The following CHD3 variants were observed in gnomAD, a reference collection of about 807,000 sequenced individuals.
CHD3 encodes the protein chromodomain helicase DNA binding protein 3, also known as ATP-dependent chromatin remodeler CHD3.
CHD3 carries 52 observed loss-of-function variants against 248.9 expected under a neutral mutation model. That is an observed-to-expected ratio of 0.21 (90% confidence interval 0.17 to 0.26). CHD3 has a LOEUF of 0.26. CHD3 is among the 10% of genes least tolerant of loss of function. The pLI is 1.00. For synonymous variants in CHD3, 985 were observed against 985.2 expected (o/e 1.00, Z 0.00); for missense variants, 1,482 against 2,605.8 (o/e 0.57, Z 9.39).
chr17:7,891,832 C>T lies in CHD3; in HGVS notation c.509+768C>T, dbSNP rs374331164. Among the ~76,000 whole-genome samples the T allele has an allele frequency of 5.3e-5, 8 of 151,616 alleles. No homozygotes were observed. The East Asian group carries it at 9.7e-4, about 18-fold the overall frequency. On this transcript the variant is annotated intron_variant, in intron 4 of 39. Transcript: ENST00000330494. ...GCCGAGATCACACCACTGCTATGCT[C>T]TAGCCTGGGCAACAAGCGAAACTCC...
chr17:7,904,157 G>A lies in CHD3; in HGVS notation c.3894+166G>A. 1.4e-6 allele frequency: 1 copy of A among 690,806 alleles called. No individual in the cohort carries two copies. Among genetic ancestry groups the A allele is most frequent in the South Asian group, 1.9e-5 (1 of 52,850 alleles). The allele number at this position is 690,806 out of a possible 1,614,324, so 42.8% of individuals were successfully genotyped here. ...AGACTGGACTTCAGAGAGAAACGTA[G>A]GCACAGACAGTACTGGTAAACACAG... On this transcript the variant is annotated intron_variant, in intron 24 of 39. Coordinates refer to ENST00000330494, the MANE Select transcript of CHD3 (RefSeq NM_001005273.3). The surrounding 1 kb of genome is among the most constrained non-coding windows in gnomAD (Gnocchi z 4.4).
chr17:7,894,562 C>T lies in CHD3; in HGVS notation c.1223C>T (p.Pro408Leu). Residue 408 changes from proline (P) to leucine (L), a missense_variant, in exon 8 of 40, where the codon CCT (proline) becomes CTT (leucine). By Grantham distance (98) the Pro-to-Leu change is moderately conservative. Coordinates refer to ENST00000330494, the MANE Select transcript of CHD3 (RefSeq NM_001005273.3). ...PRAYHLVCLD[P>L]ELDRAPEGKW... ...GCCTACCACCTCGTCTGCCTTGATC[C>T]TGAGCTTGACCGGGCTCCAGAGGGC... 1 of 1,614,066 alleles carries T rather than the reference C, an allele frequency of 6.2e-7. No individual in the cohort carries two copies. Among genetic ancestry groups the T allele is most frequent in the Non-Finnish European group, 8.5e-7 (1 of 1,179,986 alleles).
At chr17:7,891,142 A>G (rs781196519) in intron 4 of CHD3, 78 bp downstream of exon 4, 320 of 1,526,258 alleles carry the variant, frequency 2.1e-4, no homozygotes, top group Non-Finnish European at 2.7e-4. Flanking sequence ...GAATCTGATG[A>G]AAGCTATGAA....
chr17:7,905,559 A>G lies in CHD3; in HGVS notation c.4139-62A>G. 1 of 1,257,468 alleles carries G rather than the reference A, an allele frequency of 8.0e-7. No homozygotes were observed. Among genetic ancestry groups the G allele is most frequent in the Non-Finnish European group, 1.1e-6 (1 of 904,622 alleles). 77.9% of individuals were successfully genotyped at this position (1,257,468 alleles called of 1,614,324 possible). ...GTGTATCTTGTGGGAATGGGGTGCT[A>G]AGGAGGACTGAGGCTTAGAGGAGGT... On this transcript the variant is annotated intron_variant, in intron 26 of 39. Coordinates refer to ENST00000330494, the MANE Select transcript of CHD3 (RefSeq NM_001005273.3). This position sits in a 1 kb window ranked among gnomAD's most constrained non-coding sequence, Gnocchi z 5.8.
chr17:7,907,884 G>T lies in CHD3; in HGVS notation c.5027-10G>T, dbSNP rs1399562135. ...CTGAGGTGTGAGCTTTGACCTGTCT[G>T]TCCTAGCAGAAGATGTAAAAGGTGA... On this transcript the variant is annotated splice_polypyrimidine_tract_variant and intron_variant, in intron 33 of 39. Transcript: ENST00000330494. This position sits in a 1 kb window ranked among gnomAD's most constrained non-coding sequence, Gnocchi z 4.3. 1 of 1,609,894 alleles carries T rather than the reference G, an allele frequency of 6.2e-7. No individual in the cohort carries two copies. Among genetic ancestry groups the T allele is most frequent in the Non-Finnish European group, 8.5e-7 (1 of 1,177,240 alleles).
At position 7,905,393 on chromosome 17, in the gene CHD3, C is replaced by A; in HGVS notation, c.4138+228C>A. On this transcript the variant is annotated intron_variant, in intron 26 of 39. Coordinates refer to ENST00000330494, the MANE Select transcript of CHD3 (RefSeq NM_001005273.3). This position sits in a 1 kb window ranked among gnomAD's most constrained non-coding sequence, Gnocchi z 5.8. Reference sequence around the variant, plus strand: ...AAGGCCATATCATTTTCCATTCCCACTGGTAATCTGGGCCTTTGTCAGATA... The same window carrying A: ...AAGGCCATATCATTTTCCATTCCCAATGGTAATCTGGGCCTTTGTCAGATA... The A allele has an allele frequency of 1.6e-6, 1 of 614,166 alleles. No homozygotes were observed. Among genetic ancestry groups the A allele is most frequent in the South Asian group, 2.0e-5 (1 of 49,504 alleles). The allele number at this position is 614,166 out of a possible 1,614,324, so 38.0% of individuals were successfully genotyped here.
In CHD3 at chr17:7,903,204, C is replaced by G; in HGVS notation, c.3496-68C>G. The stretch of plus-strand genomic sequence containing the variant: ...TCTTCAGCAGCCTTCTTTCCTGAGG[C>G]AGCTCTATGGGCAGCTTCTCCCCGG... On this transcript the variant is annotated intron_variant, in intron 22 of 39. Coordinates refer to ENST00000330494, the MANE Select transcript of CHD3 (RefSeq NM_001005273.3). This position sits in a 1 kb window ranked among gnomAD's most constrained non-coding sequence, Gnocchi z 6.8. 4 of 1,578,454 alleles carry G rather than the reference C, an allele frequency of 2.5e-6. No individual in the cohort carries two copies. Among genetic ancestry groups the G allele is most frequent in the Non-Finnish European group, 3.5e-6 (4 of 1,152,170 alleles).
At position 7,892,839 on chromosome 17, in the gene CHD3, C is replaced by T. The variant is rs144753161; in HGVS notation, c.510-447C>T. ...ACAGGGTCTCATTCTGTCACCCAGG[C>T]TGCACTGCAGTGGTGTGATCATAGC... On this transcript the variant is annotated intron_variant, in intron 4 of 39. Transcript: ENST00000330494. Among the ~76,000 whole-genome samples the T allele has an allele frequency of 6.2e-3, 943 of 152,268 alleles. 21 individuals are homozygous for T. The highest frequency in any genetic ancestry group is 0.048 in the East Asian group (249 of 5,186).
chr17:7,893,206 A>C (rs942759970), intron 4 of CHD3, 80 bp from the exon 5 acceptor site: 2 of 1,473,320 alleles, frequency 1.4e-6, no homozygotes, highest in African/African-American at 2.8e-5. Context: ...GCATGTACAT[A>C]GATTTAATTG....
In CHD3 at chr17:7,905,814, C is replaced by T. The variant is rs2151628414; in HGVS notation, c.4225-42C>T. 1 of 1,614,078 alleles carries T rather than the reference C, an allele frequency of 6.2e-7. No individual in the cohort carries two copies. Among genetic ancestry groups the T allele is most frequent in the East Asian group, 2.2e-5 (1 of 44,868 alleles). ...GGTAGAAAGGACAAGACCTAAGAAC[C>T]CTAGACATTTGTCGCCATTGCCTCC... On this transcript the variant is annotated intron_variant, in intron 27 of 39. Coordinates refer to ENST00000330494, the MANE Select transcript of CHD3 (RefSeq NM_001005273.3). The surrounding 1 kb of genome is among the most constrained non-coding windows in gnomAD (Gnocchi z 5.8).
At position 7,910,917 on chromosome 17, in the gene CHD3, C is replaced by T; in HGVS notation, c.5825C>T (p.Ala1942Val). 5.0e-6 allele frequency: 8 copies of T among 1,613,616 alleles called. No homozygotes were observed. Among genetic ancestry groups the T allele is most frequent in the Middle Eastern group, 3.3e-4 (2 of 6,060 alleles). ...GCCTTCAGCGCCGCACCCGTAGGGGCCCTGGCCGCCGCAGGCGCCAATTAC... is the reference window on the plus strand; with the variant it reads ...GCCTTCAGCGCCGCACCCGTAGGGGTCCTGGCCGCCGCAGGCGCCAATTAC... ...GAAFSAAPVGALAAAGANYSQ... is the reference protein window; with the variant it reads ...GAAFSAAPVGVLAAAGANYSQ... The change falls in exon 39 of 40, where the codon GCC becomes GTC. Residue 1942 changes from alanine to valine, a missense_variant. Physicochemically the swap from Ala to Val is moderately conservative, Grantham distance 64. Around this residue, in one of 20 missense-constraint regions of CHD3, gnomAD observed 117 missense variants for 137.2 expected, o/e 0.85. Coordinates refer to ENST00000330494, the MANE Select transcript of CHD3 (RefSeq NM_001005273.3). This position sits in a 1 kb window ranked among gnomAD's most constrained non-coding sequence, Gnocchi z 4.7.
In CHD3 at chr17:7,893,927, G is replaced by C; in HGVS notation, c.916G>C (p.Gly306Arg). ...GCTTCTGGGTGGCAAGAGGAAGAAA[G>C]GAGGCTCGGTGAGTGACCCGTCCCT... The part of the protein sequence containing the change: ...LGLLGGKRKK[G>R]GSYVFQSDEG... Residue 306 changes from glycine (G) to arginine (R), a missense_variant, in exon 6 of 40, where the codon GGA becomes CGA. By Grantham distance (125) the Gly-to-Arg change is moderately radical. Coordinates refer to ENST00000330494, the MANE Select transcript of CHD3 (RefSeq NM_001005273.3). The C allele has an allele frequency of 6.6e-7, 1 of 1,526,066 alleles. No individual in the cohort carries two copies. The highest frequency in any genetic ancestry group is 8.8e-7 in the Non-Finnish European group (1 of 1,130,836). 94.5% of individuals were successfully genotyped at this position (1,526,066 alleles called of 1,614,324 possible).
In CHD3 at chr17:7,909,135, G is replaced by T. The variant is rs1336607710; in HGVS notation, c.5395-8G>T. On this transcript the variant is annotated splice_polypyrimidine_tract_variant and splice_region_variant and intron_variant, in intron 36 of 39. Transcript: ENST00000330494. This position sits in a 1 kb window ranked among gnomAD's most constrained non-coding sequence, Gnocchi z 8.1. ...CCCTACCTTCACCTCCCAACTCTGT[G>T]CCCTCAGCTCCTGGAGCAGGCGCTG... 8.4e-6 allele frequency: 13 copies of T among 1,553,650 alleles called. No homozygotes were observed. The highest frequency in any genetic ancestry group is 1.2e-5 in the South Asian group (1 of 84,386).
In CHD3 at chr17:7,900,924, G is replaced by T. The variant is rs61753145; in HGVS notation, c.3051G>T (p.Ser1017=). The T allele has an allele frequency of 1.2e-6, 2 of 1,613,934 alleles. No individual in the cohort carries two copies. The highest frequency in any genetic ancestry group is 2.7e-5 in the African/African-American group (2 of 74,902). The part of the protein sequence containing the change: ...LNSRGGGNQV[S]LLNIMMDLKK... The stretch of plus-strand genomic sequence containing the variant: ...CACGAGGTGGTGGGAACCAGGTGTC[G>T]CTGCTTAATATCATGATGGATCTTA... Residue 1017 remains serine, a synonymous_variant, in exon 19 of 40, where the codon TCG becomes TCT. Coordinates refer to ENST00000330494, the MANE Select transcript of CHD3 (RefSeq NM_001005273.3). The surrounding 1 kb of genome is among the most constrained non-coding windows in gnomAD (Gnocchi z 6.5).
In CHD3 at chr17:7,909,642, G is replaced by C. The variant is rs1032402931; in HGVS notation, c.5590+304G>C. 2.6e-5 allele frequency: 12 copies of C among 458,736 alleles called. No individual in the cohort carries two copies. In the East Asian group the frequency reaches 4.3e-4, roughly 17 times the overall value. The allele number at this position is 458,736 out of a possible 1,614,324, so 28.4% of individuals were successfully genotyped here. A position where few individuals can be genotyped will look rare whatever the true frequency, so the allele number is the denominator to read the frequency against. On this transcript the variant is annotated intron_variant, in intron 37 of 39. Coordinates refer to ENST00000330494, the MANE Select transcript of CHD3 (RefSeq NM_001005273.3). The surrounding 1 kb of genome is among the most constrained non-coding windows in gnomAD (Gnocchi z 8.1). ...TCACTGGCAGTGGAACTGCATGCCT[G>C]CCATACTGCTTAACATCATCCAGTT...
upstream of CHD3, among the ~76,000 whole-genome samples, chr17:7,886,015 T>TG (rs34320313): frequency 0.032 from 4,805 of 151,760 alleles, 247 homozygotes; most frequent in African/African-American, 0.1. The surrounding 1 kb of genome is among the most constrained non-coding windows in gnomAD (Gnocchi z 4.2). Flanking sequence ...TCAAGTGCGG[T>TG]GGGGGGGGTC....
At chr17:7,901,461 T>C in intron 20 of CHD3, 86 bp downstream of exon 20, 3 of 1,144,222 alleles carry the variant, frequency 2.6e-6, no homozygotes, top group Non-Finnish European at 3.5e-6. Flanking sequence ...GGTCTTCCTG[T>C]GGCTGCTCTG....
At position 7,908,433 on chromosome 17, in the gene CHD3, G is replaced by A. The variant is rs200425322; in HGVS notation, c.5184G>A (p.Arg1728=). The change falls in exon 35 of 40, where the codon CGG becomes CGA. Residue 1728 remains arginine (R), a synonymous_variant. Transcript: ENST00000330494. This position sits in a 1 kb window ranked among gnomAD's most constrained non-coding sequence, Gnocchi z 5.8. ...ACACACTGTGGCAGAATGAGGAACGGGCAGCTATTTCCTCGGGGAAACTCA... is the reference window on the plus strand; with the variant it reads ...ACACACTGTGGCAGAATGAGGAACGAGCAGCTATTTCCTCGGGGAAACTCA... ...ELHTLWQNEE[R]AAISSGKLNE... The A allele has an allele frequency of 1.5e-5, 24 of 1,613,640 alleles. No individual in the cohort carries two copies. Among genetic ancestry groups the A allele is most frequent in the Non-Finnish European group, 1.8e-5 (21 of 1,179,814 alleles).
chr17:7,886,104 ACTCT>A (rs578139702), upstream of CHD3, among the ~76,000 whole-genome samples: 17 of 151,382 alleles, frequency 1.1e-4, no homozygotes, highest in South Asian at 3.4e-3. The surrounding 1 kb of genome is among the most constrained non-coding windows in gnomAD (Gnocchi z 4.2). Flanking sequence ...ACTGTCACTC[ACTCT>A]CTCGCTGAAA....
Sources: gnomAD v4.1 joint callset for allele counts (sites outside exome capture counted in the v4.1 genomes callset) on GRCh38, gnomAD v4.1.1 for gene constraint, gnomAD v4.1.1 regional missense constraint, Gnocchi (gnomAD v3.1) non-coding constraint, MANE v1.5 for transcripts, NCBI Gene and HGNC (gene_info 2026-07-23, HGNC 2026-07-21) for gene names.